Variants in EML2 observed in about 807,000 individuals in gnomAD.
The protein encoded by EML2 is EMAP like 2, also known as echinoderm microtubule-associated protein-like 2.
A neutral mutation model predicts 84.7 loss-of-function variants in EML2; 59 were observed. The ratio of observed to expected loss-of-function variants is 0.70; its 90% CI spans 0.56 to 0.86. EML2 has a LOEUF of 0.86. Ranked by LOEUF, EML2 falls within the 40% of genes least tolerant of loss-of-function variation. The pLI is 0.00. For synonymous variants in EML2, 352 were observed against 348.9 expected (o/e 1.01, Z -0.10); for missense variants, 818 against 855.6 (o/e 0.96, Z 0.55).
upstream of EML2, among the ~76,000 whole-genome samples, chr19:45,643,980 C>T (rs1974835232): frequency 6.6e-6 from 1 of 152,212 alleles, no homozygotes; most frequent in South Asian, 2.1e-4. Flanking sequence ...TGTGCAGAGA[C>T]ACGCCAAAGA....
At position 45,610,047 on chromosome 19, in the gene EML2, TC is replaced by T. The variant is rs536338716; in HGVS notation, c.1825-260del. Among the ~76,000 whole-genome samples, 4 of 152,302 alleles carry T rather than the reference TC, an allele frequency of 2.6e-5. No individual in the cohort carries two copies. The East Asian group carries it at 7.7e-4, about 29-fold the overall frequency. On this transcript the variant is annotated intron_variant, in intron 18 of 18. Transcript: ENST00000245925. ...GCCCCCACACCTGGCTAATTCTTTT[TC>T]CTTTTATAGCAATGGGGTGTCCCAG...
At chr19:45,636,576 G>A (rs908084825) in intron 3 of EML2, among the ~76,000 whole-genome samples, 12 of 152,196 alleles carry the variant, frequency 7.9e-5, no homozygotes, top group African/African-American at 2.9e-4. Flanking sequence ...ATGCTAGACT[G>A]TATGCCCCAG....
intron 3 of EML2, among the ~76,000 whole-genome samples, chr19:45,637,834 A>G (rs1004796980): frequency 6.6e-6 from 1 of 150,842 alleles, no homozygotes; most frequent in African/African-American, 2.4e-5. Context: ...ATGCCACCAC[A>G]CTCGGCTAAT....
intron 4 of EML2, among the ~76,000 whole-genome samples, chr19:45,633,704 C>T (rs1179085029): frequency 6.6e-6 from 1 of 152,006 alleles, no homozygotes; most frequent in Non-Finnish European, 1.5e-5. Flanking sequence ...TGCCACTGGA[C>T]TCCAGCCTAG....
intron 12 of EML2, 91 bp from the exon 13 acceptor site, chr19:45,617,788 G>T: frequency 3.5e-6 from 4 of 1,149,438 alleles, no homozygotes; most frequent in Non-Finnish European, 5.0e-6. Context: ...TCTAATCTTT[G>T]CATGAGGGCT....
Position 45,616,680 on chromosome 19 carries a change from G to C in EML2, c.1411+85C>G, listed in dbSNP as rs149358863. The C allele has an allele frequency of 5.5e-4, 784 of 1,433,932 alleles. 1 individual carries two copies. Among genetic ancestry groups the C allele is most frequent in the Middle Eastern group, 2.6e-3 (14 of 5,438 alleles). The allele number at this position is 1,433,932 out of a possible 1,614,324, so 88.8% of individuals were successfully genotyped here. ...CTGCATCCCTCCTAGGCCTCGCTTC[G>C]CAGGCTCCACCCCTCCCCCTGCCAA... On this transcript the variant is annotated intron_variant, in intron 14 of 18. Transcript: ENST00000245925.
upstream of EML2, chr19:45,645,436 T>G (rs1377727553): frequency 7.6e-6 from 11 of 1,449,048 alleles, no homozygotes; most frequent in Non-Finnish European, 9.9e-6. Flanking sequence ...ACGCCCTTCG[T>G]TCCAGCATCC....
intron 18 of EML2, among the ~76,000 whole-genome samples, chr19:45,610,696 C>G (rs988495939): frequency 5.3e-5 from 8 of 151,090 alleles, no homozygotes; most frequent in African/African-American, 1.5e-4. Flanking sequence ...AAAAATTAGC[C>G]GGGCGTGGTG....
chr19:45,634,981 T>C (rs1005807438), intron 3 of EML2, among the ~76,000 whole-genome samples: 3 of 151,052 alleles, frequency 2.0e-5, no homozygotes, highest in African/African-American at 2.4e-5. Flanking sequence ...CTCCTGAGTA[T>C]CTGGGATTAC....
At chr19:45,621,742 T>A in intron 9 of EML2, 105 bp from the exon 10 acceptor site, 9 of 1,261,446 alleles carry the variant, frequency 7.1e-6, no homozygotes, top group Non-Finnish European at 9.6e-6. Context: ...TCTCACCCAC[T>A]TTTCCACCTT....
intron 1 of EML2, 125 bp downstream of exon 1, chr19:45,639,229 ACGG>A: frequency 9.7e-7 from 1 of 1,025,756 alleles, no homozygotes. Flanking sequence ...AGAGGGAGAA[ACGG>A]GGAGAGTTTA....
chr19:45,640,426 G>GT (rs199525749), upstream of EML2: 8,892 of 125,886 alleles, frequency 0.071, 363 homozygotes, highest in Non-Finnish European at 0.11. Flanking sequence ...TTTGTTTTTT[G>GT]TTTTTTGTTT....
At chr19:45,623,905 A>G (rs879555300) in intron 9 of EML2, among the ~76,000 whole-genome samples, 6 of 152,164 alleles carry the variant, frequency 3.9e-5, no homozygotes, top group Non-Finnish European at 7.4e-5. Flanking sequence ...GGCTGGTCTC[A>G]AACTCCTGGG....
At chr19:45,615,710 G>A in intron 16 of EML2, 92 bp downstream of exon 16, 4 of 1,129,360 alleles carry the variant, frequency 3.5e-6, no homozygotes, top group Non-Finnish European at 5.4e-6. Context: ...CCAAGGGAGC[G>A]AGGCTTGAAG....
chr19:45,621,057 T>C, intron 11 of EML2, 150 bp downstream of exon 11: 1 of 1,226,176 alleles, frequency 8.2e-7, no homozygotes, highest in Non-Finnish European at 1.2e-6. Context: ...TGCTGGATCC[T>C]GGGAAGGGGT....
At chr19:45,618,312 A>G (rs911249379) in intron 12 of EML2, among the ~76,000 whole-genome samples, 55 of 151,416 alleles carry the variant, frequency 3.6e-4, no homozygotes, top group African/African-American at 1.3e-3. Context: ...CTGGATTCAC[A>G]CAATCTACCT....
At position 45,615,717 on chromosome 19, in the gene EML2, G is replaced by A. The variant is rs553698297; in HGVS notation, c.1597+85C>T. ...CTTGAATACCAAGGGAGCGAGGCTT[G>A]AAGCCCCTCCCTCCCCTCCCAGAAC... On this transcript the variant is annotated intron_variant, in intron 16 of 18. Coordinates refer to ENST00000245925, the MANE Select transcript of EML2 (RefSeq NM_012155.4). 7.5e-6 allele frequency: 9 copies of A among 1,197,698 alleles called. No individual in the cohort carries two copies. The African/African-American group carries it at 1.3e-4, about 18-fold the overall frequency. 74.2% of individuals were successfully genotyped at this position (1,197,698 alleles called of 1,614,324 possible).
intron 9 of EML2, among the ~76,000 whole-genome samples, chr19:45,622,388 C>G (rs750303784): frequency 9.2e-5 from 14 of 152,122 alleles, no homozygotes; most frequent in African/African-American, 1.4e-4. Flanking sequence ...CTCATCCATT[C>G]ATTTGCCCTC....
chr19:45,644,513 C>T (rs1974880890), upstream of EML2, among the ~76,000 whole-genome samples: 1 of 152,128 alleles, frequency 6.6e-6, no homozygotes. Context: ...TTCTGCCCCA[C>T]CCAGAGAGGC....
Sources: gnomAD v4.1 joint callset for allele counts (sites outside exome capture counted in the v4.1 genomes callset) on GRCh38, gnomAD v4.1.1 for gene constraint, MANE v1.5 for transcripts, NCBI Gene and HGNC (gene_info 2026-07-23, HGNC 2026-07-21) for gene names.